GRM5: variants seen among roughly 807,000 people sequenced by gnomAD.
The protein encoded by GRM5 is metabotropic glutamate receptor 5.
GRM5 carries 19 observed loss-of-function variants against 83.1 expected under a neutral mutation model. That is an observed-to-expected ratio of 0.23 (90% CI 0.16 to 0.34). GRM5 has a LOEUF of 0.34. Among genes scored for constraint, GRM5 ranks in the 10% least tolerant of loss-of-function variants. The pLI is 1.00. For synonymous variants in GRM5, 675 were observed against 633.6 expected, an observed-to-expected ratio of 1.07 and a Z score of -0.98; for missense variants, 1,160 against 1,588.3, an observed-to-expected ratio of 0.73 and a Z score of 4.58.
chr11:88,931,227 A>G (rs1330302740), intron 2 of GRM5, among the ~76,000 whole-genome samples: 1 of 151,816 alleles, frequency 6.6e-6, no homozygotes, highest in Non-Finnish European at 1.5e-5. Context: ...AAAGCATTAC[A>G]AATAAAACAC....
intron 3 of GRM5, among the ~76,000 whole-genome samples, chr11:88,804,757 G>T (rs1943469669): frequency 6.6e-6 from 1 of 152,002 alleles, no homozygotes; most frequent in Non-Finnish European, 1.5e-5. Context: ...ACTTGTAAGT[G>T]GGAGCTAAAT....
chr11:88,924,293 A>G (rs1205589791), intron 2 of GRM5, among the ~76,000 whole-genome samples: 1 of 151,994 alleles, frequency 6.6e-6, no homozygotes, highest in Admixed American at 6.6e-5. Context: ...AACCAGCAAT[A>G]CCTCTGCTAG....
intron 1 of GRM5, among the ~76,000 whole-genome samples, chr11:89,065,455 A>G (rs1313589049): frequency 6.6e-6 from 1 of 150,920 alleles, no homozygotes; most frequent in Non-Finnish European, 1.5e-5. Context: ...TCCCTCACTT[A>G]TGCAAATAAA....
intron 1 of GRM5, among the ~76,000 whole-genome samples, chr11:89,052,565 GTT>G (rs1051372260): frequency 6.6e-5 from 10 of 152,142 alleles, no homozygotes; most frequent in Non-Finnish European, 1.2e-4. Flanking sequence ...CATTGGCTAT[GTT>G]TTTGAGTGTG....
At chr11:88,986,001 C>T (rs957999175) in intron 2 of GRM5, among the ~76,000 whole-genome samples, 12 of 152,154 alleles carry the variant, frequency 7.9e-5, no homozygotes, top group African/African-American at 2.4e-4. Context: ...CACTATACAA[C>T]CCACCAATTG....
chr11:88,907,697 G>A (rs957005792), intron 2 of GRM5, among the ~76,000 whole-genome samples: 18 of 152,138 alleles, frequency 1.2e-4, no homozygotes, highest in Non-Finnish European at 2.1e-4. Context: ...AATCAAGCAG[G>A]ATTAGATCCC....
chr11:89,042,873 A>C (rs1941564221), intron 2 of GRM5, among the ~76,000 whole-genome samples: 1 of 146,888 alleles, frequency 6.8e-6, no homozygotes, highest in Non-Finnish European at 1.5e-5. Flanking sequence ...TAACCTGAAG[A>C]CCATATCTTC....
At chr11:88,899,143 G>A (rs1429465011) in intron 2 of GRM5, among the ~76,000 whole-genome samples, 1 of 151,840 alleles carries the variant, frequency 6.6e-6, no homozygotes, top group Non-Finnish European at 1.5e-5. Flanking sequence ...AAATCCTAAT[G>A]ACATCTACAG....
chr11:88,899,246 A>G (rs2135593895), intron 2 of GRM5, among the ~76,000 whole-genome samples: 1 of 152,024 alleles, frequency 6.6e-6, no homozygotes, highest in East Asian at 1.9e-4. Context: ...ACATTCCATC[A>G]AGCAGAGGGT....
intron 4 of GRM5, among the ~76,000 whole-genome samples, chr11:88,649,041 A>C (rs1043084431): frequency 6.8e-6 from 1 of 146,218 alleles, no homozygotes; most frequent in African/African-American, 2.5e-5. Flanking sequence ...TTAAAACTTA[A>C]TATACATAAT....
intron 3 of GRM5, among the ~76,000 whole-genome samples, chr11:88,848,830 T>C (rs947883): frequency 0.41 from 62,434 of 151,982 alleles, 12,996 homozygotes; most frequent in East Asian, 0.5. Context: ...AGCAGTAGAC[T>C]GAGTAAAGCA....
chr11:88,727,240 G>A (rs1941705476), intron 3 of GRM5, among the ~76,000 whole-genome samples: 1 of 152,140 alleles, frequency 6.6e-6, no homozygotes, highest in Admixed American at 6.5e-5. Flanking sequence ...TGCAATCCTA[G>A]TCTCTGATAA....
chr11:88,768,944 T>C (rs1942674800), intron 3 of GRM5, among the ~76,000 whole-genome samples: 1 of 152,104 alleles, frequency 6.6e-6, no homozygotes, highest in African/African-American at 2.4e-5. Flanking sequence ...TTTGTTGTTT[T>C]ATGCTTCCCT....
intron 2 of GRM5, among the ~76,000 whole-genome samples, chr11:88,964,830 A>C (rs1292891473): frequency 6.6e-6 from 1 of 152,184 alleles, no homozygotes; most frequent in East Asian, 1.9e-4. Flanking sequence ...TGTATATTAA[A>C]AAAGAATTAT....
intron 4 of GRM5, among the ~76,000 whole-genome samples, chr11:88,611,886 G>A (rs1017280515): frequency 6.8e-6 from 1 of 147,618 alleles, no homozygotes; most frequent in Non-Finnish European, 1.5e-5. Flanking sequence ...TCCTAATACT[G>A]CTTTAGCTAT....
At chr11:88,756,437 TA>T (rs1235488523) in intron 3 of GRM5, among the ~76,000 whole-genome samples, 1 of 152,148 alleles carries the variant, frequency 6.6e-6, no homozygotes, top group Non-Finnish European at 1.5e-5. Context: ...ACTAGGCAGT[TA>T]TTCACATGGC....
intron 3 of GRM5, among the ~76,000 whole-genome samples, chr11:88,740,731 T>A (rs1942010507): frequency 6.6e-6 from 1 of 152,068 alleles, no homozygotes; most frequent in Non-Finnish European, 1.5e-5. Flanking sequence ...TCTCTCATCA[T>A]TAGCACATCT....
At chr11:88,703,108 C>T (rs1941072787) in intron 3 of GRM5, among the ~76,000 whole-genome samples, 1 of 151,948 alleles carries the variant, frequency 6.6e-6, no homozygotes, top group Non-Finnish European at 1.5e-5. Flanking sequence ...AGAATCCAGT[C>T]TAAAATGTTG....
intron 3 of GRM5, among the ~76,000 whole-genome samples, chr11:88,769,777 TGGA>T (rs1942694197): frequency 6.6e-6 from 1 of 151,922 alleles, no homozygotes; most frequent in South Asian, 2.1e-4. Context: ...AATTAATAAG[TGGA>T]GGACAATAAT....
Sources: gnomAD v4.1 joint callset for allele counts (sites outside exome capture counted in the v4.1 genomes callset) on GRCh38, gnomAD v4.1.1 for gene constraint, MANE v1.5 for transcripts, NCBI Gene and HGNC (gene_info 2026-07-23, HGNC 2026-07-21) for gene names.